Variants in PARD3B observed in about 807,000 individuals in gnomAD.
The protein encoded by PARD3B is partitioning defective 3 homolog B.
Under a neutral mutation model 130.2 loss-of-function variants are expected in PARD3B, and 103 were observed. The ratio of observed to expected loss-of-function variants is 0.79; its 90% confidence interval spans 0.67 to 0.93. PARD3B has a LOEUF of 0.93. PARD3B is among the 40% of genes least tolerant of loss of function. PARD3B has a pLI of 0.00. For synonymous variants in PARD3B, 583 were observed against 553.2 expected, an observed-to-expected ratio of 1.05 and a Z score of -0.76; for missense variants, 1,609 against 1,499.2, an observed-to-expected ratio of 1.07 and a Z score of -1.21.
At position 205,535,162 on chromosome 2, in the gene PARD3B, C is replaced by A. The variant is rs1286316347; in HGVS notation, c.3181-18162C>A. Among the ~76,000 whole-genome samples the A allele has an allele frequency of 2.0e-5, 3 of 152,148 alleles. No individual in the cohort carries two copies. In the South Asian group the frequency reaches 6.2e-4, roughly 32 times the overall value. On this transcript the variant is annotated intron_variant, in intron 21 of 22. Coordinates refer to ENST00000406610, the MANE Select transcript of PARD3B (RefSeq NM_001302769.2). ...ACCAGAGGATACCATGGCTTATTCCCACCTGCGAACTCTGCATGAATGGAA... is the reference window on the plus strand; with the variant it reads ...ACCAGAGGATACCATGGCTTATTCCAACCTGCGAACTCTGCATGAATGGAA...
intron 6 of PARD3B, among the ~76,000 whole-genome samples, chr2:205,114,463 A>T (rs1001024492): frequency 1.4e-5 from 2 of 143,116 alleles, no homozygotes; most frequent in Non-Finnish European, 3.1e-5. Flanking sequence ...TTTCTTAAAC[A>T]CATCATTGAA....
At chr2:204,683,413 A>C (rs2036930455) in intron 1 of PARD3B, among the ~76,000 whole-genome samples, 1 of 152,196 alleles carries the variant, frequency 6.6e-6, no homozygotes, top group Non-Finnish European at 1.5e-5. Flanking sequence ...TGATGGCAAT[A>C]AAACCATGTA....
At chr2:204,754,787 A>G (rs2040597578) in intron 2 of PARD3B, among the ~76,000 whole-genome samples, 1 of 152,140 alleles carries the variant, frequency 6.6e-6, no homozygotes, top group Non-Finnish European at 1.5e-5. Context: ...ACCAGAACTT[A>G]ATTATGAGGC....
At chr2:205,431,749 G>C (rs564838518) in intron 19 of PARD3B, among the ~76,000 whole-genome samples, 1 of 152,076 alleles carries the variant, frequency 6.6e-6, no homozygotes, top group Non-Finnish European at 1.5e-5. Flanking sequence ...GATTACAGAC[G>C]TGAGCCACCG....
At chr2:205,586,597 A>G (rs956312187) in intron 22 of PARD3B, among the ~76,000 whole-genome samples, 3 of 151,980 alleles carry the variant, frequency 2.0e-5, no homozygotes, top group Non-Finnish European at 4.4e-5. Flanking sequence ...GCCTTAAGAT[A>G]TACAAAATTA....
At chr2:205,527,353 T>C (rs1472437147) in intron 21 of PARD3B, among the ~76,000 whole-genome samples, 1 of 152,190 alleles carries the variant, frequency 6.6e-6, no homozygotes, top group Non-Finnish European at 1.5e-5. Context: ...TTTTTTTTAC[T>C]GCAGTAAGGA....
At chr2:205,455,649 ATATAGT>A (rs2048248503) in intron 20 of PARD3B, among the ~76,000 whole-genome samples, 1 of 151,874 alleles carries the variant, frequency 6.6e-6, no homozygotes, top group South Asian at 2.1e-4. Context: ...TCATAGTTAT[ATATAGT>A]TATATAGTTA....
intron 4 of PARD3B, among the ~76,000 whole-genome samples, chr2:205,099,723 A>C (rs895140971): frequency 1.3e-5 from 2 of 152,186 alleles, no homozygotes; most frequent in African/African-American, 4.8e-5. Context: ...TGCCCTAAGC[A>C]TCTGTCTGCC....
intron 18 of PARD3B, among the ~76,000 whole-genome samples, chr2:205,369,783 CT>C (rs1379733175): frequency 1.1e-4 from 17 of 152,292 alleles, no homozygotes; most frequent in African/African-American, 4.1e-4. Context: ...AAGGGCTTAA[CT>C]TTTACATTCT....
intron 22 of PARD3B, among the ~76,000 whole-genome samples, chr2:205,583,426 AG>A (rs1199330972): frequency 2.0e-5 from 3 of 150,554 alleles, no homozygotes; most frequent in Non-Finnish European, 4.4e-5. Context: ...TGTGAGAGAG[AG>A]AGAGAGAGAT....
At chr2:205,595,452 T>C (rs974530233) in intron 22 of PARD3B, among the ~76,000 whole-genome samples, 1 of 152,234 alleles carries the variant, frequency 6.6e-6, no homozygotes, top group Non-Finnish European at 1.5e-5. Context: ...TTTCTTTAAA[T>C]TAGACGACTC....
chr2:205,512,574 G>A (rs143424872), intron 21 of PARD3B, among the ~76,000 whole-genome samples: 5 of 152,140 alleles, frequency 3.3e-5, no homozygotes, highest in Non-Finnish European at 5.9e-5. Context: ...CCATTCCTTC[G>A]TTGGTTTTTT....
intron 1 of PARD3B, among the ~76,000 whole-genome samples, chr2:204,553,705 T>C (rs1464560377): frequency 5.6e-4 from 76 of 135,004 alleles, no homozygotes; most frequent in African/African-American, 2.0e-3. Flanking sequence ...TACACACATA[T>C]ATATAAAGGA....
chr2:205,126,620 C>T (rs1465168918), intron 10 of PARD3B, among the ~76,000 whole-genome samples: 1 of 151,106 alleles, frequency 6.6e-6, no homozygotes, highest in African/African-American at 2.4e-5. Context: ...GTGGCGGGCA[C>T]CTGTAGTCCC....
At chr2:204,656,327 T>C (rs1480403957) in intron 1 of PARD3B, among the ~76,000 whole-genome samples, 1 of 151,910 alleles carries the variant, frequency 6.6e-6, no homozygotes, top group African/African-American at 2.4e-5. Flanking sequence ...GTAGAAGGCA[T>C]TGAATACAGA....
chr2:204,816,526 G>C (rs189121728), intron 2 of PARD3B, among the ~76,000 whole-genome samples: 15 of 151,970 alleles, frequency 9.9e-5, no homozygotes, highest in Admixed American at 3.9e-4. Flanking sequence ...AGAATTACAG[G>C]TTAACAATTA....
chr2:205,498,016 A>AACACACAT (rs1553527799), intron 20 of PARD3B, among the ~76,000 whole-genome samples: 1 of 141,972 alleles, frequency 7.0e-6, no homozygotes, highest in Admixed American at 7.1e-5. Context: ...GTCTCTACTA[A>AACACACAT]ACACACACAC....
At chr2:204,690,312 G>A (rs1003362576) in intron 2 of PARD3B, among the ~76,000 whole-genome samples, 8 of 152,076 alleles carry the variant, frequency 5.3e-5, no homozygotes, top group South Asian at 2.1e-4. Flanking sequence ...GAGTAATGGC[G>A]CCTCAAAAAT....
intron 18 of PARD3B, among the ~76,000 whole-genome samples, chr2:205,384,798 A>G (rs2045602436): frequency 6.6e-6 from 1 of 152,110 alleles, no homozygotes; most frequent in East Asian, 1.9e-4. Flanking sequence ...AGTTTCCATC[A>G]CAGTTCAAAA....
Sources: allele counts gnomAD v4.1 joint callset (sites outside exome capture counted in the v4.1 genomes callset), GRCh38; gene constraint gnomAD v4.1.1; transcripts MANE v1.5; gene names NCBI Gene and HGNC (gene_info 2026-07-23, HGNC 2026-07-21).